Variants in RASSF3 observed in about 807,000 individuals in gnomAD.
RASSF3 encodes Ras association domain family member 3.
Under a neutral mutation model 19.9 loss-of-function variants are expected in RASSF3, and 19 were observed. That is an observed-to-expected ratio of 0.96 (90% CI 0.67 to 1.40). RASSF3 has a LOEUF of 1.40. RASSF3 is among the 40% of genes most tolerant of loss of function. The pLI, the probability that RASSF3 is intolerant of heterozygous loss-of-function variation, is 0.00. For synonymous variants in RASSF3, 110 were observed against 104.2 expected (o/e 1.06, Z -0.34); for missense variants, 306 against 289.8 (o/e 1.06, Z -0.41).
intron 1 of RASSF3, among the ~76,000 whole-genome samples, chr12:64,631,563 GTATGTA>G: frequency 6.6e-6 from 1 of 151,870 alleles, no homozygotes; most frequent in South Asian, 2.1e-4. Context: ...ATGTATGTAT[GTATGTA>G]TGTATGTATG....
upstream of RASSF3, among the ~76,000 whole-genome samples, chr12:64,610,228 C>A (rs1395760278): frequency 6.6e-6 from 1 of 152,078 alleles, no homozygotes; most frequent in Non-Finnish European, 1.5e-5. Flanking sequence ...GTTGAGGAAG[C>A]GACCCGAGCA....
At chr12:64,622,860 G>A (rs2136165498) in intron 1 of RASSF3, among the ~76,000 whole-genome samples, 2 of 146,476 alleles carry the variant, frequency 1.4e-5, no homozygotes, top group East Asian at 4.0e-4. Context: ...TTGCTCTGTT[G>A]CCCAGGCTGT....
intron 2 of RASSF3, among the ~76,000 whole-genome samples, chr12:64,597,651 T>C (rs1870018236): frequency 6.6e-6 from 1 of 151,712 alleles, no homozygotes; most frequent in Non-Finnish European, 1.5e-5. Flanking sequence ...AGAGATGGGG[T>C]TTCACCATGT....
At chr12:64,552,030 G>A (rs954934675) in intron 2 of RASSF3, among the ~76,000 whole-genome samples, 3 of 152,198 alleles carry the variant, frequency 2.0e-5, no homozygotes, top group Admixed American at 6.5e-5. Flanking sequence ...TCCAAGAACA[G>A]AAACAATGCA....
intron 1 of RASSF3, among the ~76,000 whole-genome samples, chr12:64,640,556 T>G (rs1253596476): frequency 6.6e-6 from 1 of 152,242 alleles, no homozygotes; most frequent in Non-Finnish European, 1.5e-5. Flanking sequence ...TTATGCAGTA[T>G]TTGTCCTTCT....
intron 1 of RASSF3, chr12:64,628,484 C>T (rs1442235412): frequency 2.6e-5 from 4 of 152,102 alleles, no homozygotes; most frequent in Non-Finnish European, 5.9e-5. Context: ...ATGTTCATTT[C>T]CTTTGGAAGA....
intron 2 of RASSF3, among the ~76,000 whole-genome samples, chr12:64,601,380 G>C (rs951438703): frequency 6.6e-6 from 1 of 152,186 alleles, no homozygotes; most frequent in Admixed American, 6.6e-5. Flanking sequence ...TTGTTCGTGA[G>C]AGTCTGCTTT....
chr12:64,601,961 C>CA (rs1465676372), intron 2 of RASSF3, among the ~76,000 whole-genome samples: 1 of 151,042 alleles, frequency 6.6e-6, no homozygotes, highest in East Asian at 2.0e-4. Flanking sequence ...ACTAAAAATA[C>CA]AAAAAATTAG....
intron 2 of RASSF3, among the ~76,000 whole-genome samples, chr12:64,598,067 C>A (rs1401122074): frequency 6.6e-6 from 1 of 152,058 alleles, no homozygotes; most frequent in East Asian, 1.9e-4. Context: ...CAGGCACAAG[C>A]CACCATGCCC....
chr12:64,682,391 G>A (rs1873162740), intron 1 of RASSF3, among the ~76,000 whole-genome samples: 1 of 152,020 alleles, frequency 6.6e-6, no homozygotes. Context: ...CTAATACGGT[G>A]AAACCCCGTC....
intron 2 of RASSF3, among the ~76,000 whole-genome samples, chr12:64,564,569 A>G (rs1235397064): frequency 6.6e-6 from 1 of 151,600 alleles, no homozygotes; most frequent in Admixed American, 6.6e-5. Flanking sequence ...TTTAGTAGAG[A>G]TGGGGTTTCT....
chr12:64,549,414 T>C (rs2136120052), intron 2 of RASSF3, among the ~76,000 whole-genome samples: 1 of 152,318 alleles, frequency 6.6e-6, no homozygotes, highest in Non-Finnish European at 1.5e-5. Context: ...GCTTCCTTTG[T>C]TGTATGTTTG....
chr12:64,540,926 A>G (rs556286338), intron 1 of RASSF3, among the ~76,000 whole-genome samples: 2 of 151,290 alleles, frequency 1.3e-5, no homozygotes, highest in South Asian at 4.2e-4. Context: ...GTGTGCCACC[A>G]CACCTGGCAA....
intron 2 of RASSF3, among the ~76,000 whole-genome samples, chr12:64,603,665 T>C (rs1870134710): frequency 6.6e-6 from 1 of 152,214 alleles, no homozygotes; most frequent in African/African-American, 2.4e-5. Context: ...GAGCTTTTAT[T>C]ATGTGCCAGG....
chr12:64,666,961 A>C (rs1203526595), intron 1 of RASSF3, among the ~76,000 whole-genome samples: 1 of 152,214 alleles, frequency 6.6e-6, no homozygotes, highest in African/African-American at 2.4e-5. Flanking sequence ...GAAAAGCAAG[A>C]AAGTGGGAGC....
At chr12:64,640,938 G>T (rs1871494515) in intron 1 of RASSF3, among the ~76,000 whole-genome samples, 1 of 152,004 alleles carries the variant, frequency 6.6e-6, no homozygotes, top group Non-Finnish European at 1.5e-5. Flanking sequence ...CCTAGGATGA[G>T]CCTCACTCCC....
chr12:64,601,652 T>C (rs1360918671), intron 2 of RASSF3, among the ~76,000 whole-genome samples: 1 of 151,704 alleles, frequency 6.6e-6, no homozygotes, highest in Non-Finnish European at 1.5e-5. Context: ...AGGGACCCCG[T>C]CTCTACAAAA....
upstream of RASSF3, among the ~76,000 whole-genome samples, chr12:64,607,228 G>A (rs1870209262): frequency 6.6e-6 from 1 of 150,848 alleles, no homozygotes; most frequent in African/African-American, 2.4e-5. Context: ...AGGCTGCAGT[G>A]AGCCAACATG....
chr12:64,524,855 C>A (rs566991957), intron 1 of RASSF3, among the ~76,000 whole-genome samples: 48 of 152,302 alleles, frequency 3.2e-4, no homozygotes, highest in African/African-American at 1.1e-3. Flanking sequence ...ATGGTGAGAA[C>A]TATGGCAAGC....
Sources: allele counts gnomAD v4.1 joint callset (sites outside exome capture counted in the v4.1 genomes callset), GRCh38; gene constraint gnomAD v4.1.1; transcripts MANE v1.5; gene names NCBI Gene and HGNC (gene_info 2026-07-23, HGNC 2026-07-21).